The following INO80 variants were observed in gnomAD, a reference collection of about 807,000 sequenced individuals.
INO80 encodes the protein chromatin-remodeling ATPase INO80.
Under a neutral mutation model 203.4 loss-of-function variants are expected in INO80, and 20 were observed. That is an observed-to-expected ratio of 0.10 (90% confidence interval 0.07 to 0.14). The LOEUF (loss-of-function observed/expected upper bound fraction) is 0.14. Ranked by LOEUF, INO80 falls within the 10% of genes least tolerant of loss-of-function variation. The pLI is 1.00. For synonymous variants in INO80, 726 were observed against 685.2 expected (o/e 1.06, Z -0.93); for missense variants, 1,419 against 1,914.4 (o/e 0.74, Z 4.83).
intron 4 of INO80, among the ~76,000 whole-genome samples, chr15:41,092,847 G>A (rs1009725978): frequency 6.6e-6 from 1 of 151,992 alleles, no homozygotes; most frequent in Non-Finnish European, 1.5e-5. Context: ...GCTTGAGGCC[G>A]GGAGTTCGAG....
At chr15:41,040,760 G>C (rs533507040) in intron 24 of INO80, among the ~76,000 whole-genome samples, 1 of 151,290 alleles carries the variant, frequency 6.6e-6, no homozygotes, top group Non-Finnish European at 1.5e-5. Context: ...CTGGGCAACA[G>C]AACAATTCAG....
rs1035180354 is a variant in INO80, at chr15:41,079,764, C to T, written c.1068G>A (p.Glu356=). Residue 356 remains glutamate, a synonymous_variant, in exon 9 of 36, where the codon GAG becomes GAA. Coordinates refer to ENST00000648947, the MANE Select transcript of INO80 (RefSeq NM_017553.3). ...YWKKYEKVEK[E]HRKRAEKEAL... is the part of the protein sequence containing the mutation. ...CTTCCTTCTCTGCTCTCTTGCGGTG[C>T]TCCTTCTCTACTTTCTCATATTTCT... 2.5e-6 allele frequency: 4 copies of T among 1,614,028 alleles called. No homozygotes were observed. Among genetic ancestry groups the T allele is most frequent in the African/African-American group, 2.7e-5 (2 of 74,900 alleles).
chr15:40,995,004 C>T (rs374248628), intron 29 of INO80, among the ~76,000 whole-genome samples: 31 of 152,248 alleles, frequency 2.0e-4, no homozygotes, highest in African/African-American at 6.0e-4. Flanking sequence ...CACAGGCATG[C>T]GCCAGCACAT....
chr15:41,046,838 G>A (rs571216719), intron 23 of INO80, among the ~76,000 whole-genome samples: 2 of 150,820 alleles, frequency 1.3e-5, no homozygotes, highest in African/African-American at 4.9e-5. Context: ...GGCTGGTCTT[G>A]AACTCCTGAC....
chr15:40,988,958 T>C (rs2043779324), intron 29 of INO80, among the ~76,000 whole-genome samples: 3 of 151,522 alleles, frequency 2.0e-5, no homozygotes, highest in Admixed American at 6.6e-5. Flanking sequence ...GAGGTTGCAG[T>C]GAGCCGACAC....
In INO80 at chr15:41,085,539, G is replaced by A. The variant is rs1326692035; in HGVS notation, c.703C>T (p.Leu235Phe). The A allele has an allele frequency of 6.2e-7, 1 of 1,614,154 alleles. No individual in the cohort carries two copies. Among genetic ancestry groups the A allele is most frequent in the African/African-American group, 1.3e-5 (1 of 75,032 alleles). Residue 235 changes from leucine to phenylalanine, a missense_variant, in exon 7 of 36, where the codon CTT becomes TTT. By Grantham distance (22) the Leu-to-Phe change is conservative. This residue lies in a region of INO80 where 323 missense variants were observed against 325.4 expected (regional missense o/e 0.99). Transcript: ENST00000648947. The stretch of plus-strand genomic sequence containing the variant: ...CGACGAGGGGATTCTTCAGAGGAAA[G>A]TTCTTCATCTCTTCGTCTTTTTTTC... ...VKKKRRRDEE[L>F]SSEESPRRHH...
At chr15:41,065,361 G>T (rs948477489) in intron 14 of INO80, among the ~76,000 whole-genome samples, 9 of 151,852 alleles carry the variant, frequency 5.9e-5, no homozygotes, top group Admixed American at 2.6e-4. Context: ...CTTGAACCTG[G>T]GAGGCGGAGG....
chr15:41,040,772 T>A (rs1318475189), intron 24 of INO80, among the ~76,000 whole-genome samples: 1 of 151,008 alleles, frequency 6.6e-6, no homozygotes, highest in Non-Finnish European at 1.5e-5. Context: ...ACAATTCAGA[T>A]CCTGTTTCAA....
intron 28 of INO80, among the ~76,000 whole-genome samples, chr15:41,001,744 T>A (rs1156670406): frequency 2.0e-5 from 3 of 152,222 alleles, no homozygotes; most frequent in African/African-American, 7.2e-5. Flanking sequence ...CCTGGAAGGA[T>A]CCTTCATAAA....
At position 41,027,652 on chromosome 15, in the gene INO80, G is replaced by A. The variant is rs760438102; in HGVS notation, c.2992C>T (p.Leu998=). 1.9e-6 allele frequency: 3 copies of A among 1,613,966 alleles called. No homozygotes were observed. The highest frequency in any genetic ancestry group is 2.2e-5 in the South Asian group (2 of 91,046). ...VHQRRSATSS[L]RRCLLTELPS... is the part of the protein sequence containing the mutation. ...AGCTCAGTGAGCAGGCAGCGACGCA[G>A]CGAGGAGGTAGCTGATCTCCGCTGA... The change falls in exon 25 of 36, where the codon CTG becomes TTG. Residue 998 remains leucine (L), a synonymous_variant. Coordinates refer to ENST00000648947, the MANE Select transcript of INO80 (RefSeq NM_017553.3).
rs147716164 is a variant in INO80 at position 41,045,009 on chromosome 15, C to T, written c.2802G>A (p.Ala934=). The T allele has an allele frequency of 3.2e-5, 51 of 1,613,688 alleles. No individual in the cohort carries two copies. The highest frequency in any genetic ancestry group is 3.2e-5 in the Non-Finnish European group (38 of 1,179,938). Residue 934 remains alanine, a synonymous_variant, in exon 24 of 36, where the codon GCG becomes GCA. Coordinates refer to ENST00000648947, the MANE Select transcript of INO80 (RefSeq NM_017553.3). ...YRLHQLRSWG[A]PEGESHQRYL... ...ATCTCTGGTGGCTCTCCCCTTCTGG[C>T]GCTCCCCAGGAGCGTAGCTGATGGA...
In INO80 at chr15:41,092,059, G is replaced by A. The variant is rs1170265326; in HGVS notation, c.505C>T (p.Leu169Phe). Residue 169 changes from leucine (L) to phenylalanine (F), a missense_variant, in exon 5 of 36, where the codon CTT becomes TTT. Physicochemically the swap from Leu to Phe is conservative, Grantham distance 22. This residue lies in a region of INO80 where 323 missense variants were observed against 325.4 expected (regional missense o/e 0.99). Transcript: ENST00000648947. The part of the protein sequence containing the change: ...NMLRLHKYKK[L>F]HQNKYSKDKE... ...TCTTTACTATACTTATTTTGGTGAA[G>A]TTTCTTATATTTGTGTAGTCGAAGC... 6.2e-7 allele frequency: 1 copy of A among 1,610,636 alleles called. No individual in the cohort carries two copies. The highest frequency in any genetic ancestry group is 8.5e-7 in the Non-Finnish European group (1 of 1,177,262).
intron 19 of INO80, among the ~76,000 whole-genome samples, chr15:41,051,578 A>G (rs1299915149): frequency 2.0e-5 from 3 of 151,834 alleles, no homozygotes; most frequent in Non-Finnish European, 4.4e-5. Flanking sequence ...TGGGAGGCCA[A>G]GGCAGGAGAA....
chr15:41,010,402 A>T (rs904404969), intron 27 of INO80, among the ~76,000 whole-genome samples: 1 of 151,826 alleles, frequency 6.6e-6, no homozygotes, highest in Non-Finnish European at 1.5e-5. Context: ...CCTCCTTTTT[A>T]AATTTTTTTT....
chr15:40,979,001 G>A lies in INO80; in HGVS notation c.*1222C>T, dbSNP rs1210453702. 5 of 152,608 alleles carry A rather than the reference G, an allele frequency of 3.3e-5. No individual in the cohort carries two copies. The highest frequency in any genetic ancestry group is 5.9e-5 in the Non-Finnish European group (4 of 68,026). The allele number at this position is 152,608 out of a possible 1,614,324, so 9.5% of individuals were successfully genotyped here. Reference sequence around the variant, plus strand: ...GTTATAAAAATAGCACATTCAAAGAGAAAAGGCTTGGCATTTTTCTGATTC... The same window carrying A: ...GTTATAAAAATAGCACATTCAAAGAAAAAAGGCTTGGCATTTTTCTGATTC... On this transcript the variant is annotated 3_prime_UTR_variant, in exon 36 of 36. Transcript: ENST00000648947.
intron 24 of INO80, among the ~76,000 whole-genome samples, chr15:41,033,294 C>A (rs796834903): frequency 2.7e-5 from 4 of 150,922 alleles, no homozygotes; most frequent in African/African-American, 9.7e-5. Flanking sequence ...TTCTTCTAAG[C>A]AAAATAAAAT....
At position 41,079,752 on chromosome 15, in the gene INO80, T is replaced by C; in HGVS notation, c.1080A>G (p.Arg360=). ...GCTGCTCCAAAGCTTCCTTCTCTGC[T>C]CTCTTGCGGTGCTCCTTCTCTACTT... The part of the protein sequence containing the change: ...YEKVEKEHRK[R]AEKEALEQRK... The change falls in exon 9 of 36, where the codon AGA becomes AGG. Residue 360 remains arginine (R), a synonymous_variant. Transcript: ENST00000648947. 6.2e-7 allele frequency: 1 copy of C among 1,614,128 alleles called. No individual in the cohort carries two copies. The highest frequency in any genetic ancestry group is 8.5e-7 in the Non-Finnish European group (1 of 1,180,042).
At chr15:41,101,290 T>C (rs542384253) in intron 1 of INO80, among the ~76,000 whole-genome samples, 159 of 152,304 alleles carry the variant, frequency 1.0e-3, no homozygotes, top group Middle Eastern at 0.01. Context: ...GACCCATCTG[T>C]TATCGTCCAA....
At chr15:41,028,788 G>A (rs552948276) in intron 24 of INO80, among the ~76,000 whole-genome samples, 57 of 152,248 alleles carry the variant, frequency 3.7e-4, no homozygotes, top group African/African-American at 1.3e-3. Context: ...CCCAGGAGGC[G>A]GAGGTTGCAG....
Sources: gnomAD v4.1 joint callset for allele counts (sites outside exome capture counted in the v4.1 genomes callset) on GRCh38, gnomAD v4.1.1 for gene constraint, gnomAD v4.1.1 regional missense constraint, MANE v1.5 for transcripts, NCBI Gene and HGNC (gene_info 2026-07-23, HGNC 2026-07-21) for gene names.